Variants in POU2F2 observed in about 807,000 individuals in gnomAD.
POU2F2 encodes the protein POU domain, class 2, transcription factor 2.
POU2F2 carries 14 observed loss-of-function variants against 63.5 expected under a neutral mutation model. The ratio of observed to expected loss-of-function variants is 0.22; its 90% CI spans 0.15 to 0.34. The LOEUF (loss-of-function observed/expected upper bound fraction) is 0.34, where lower values mean the gene tolerates loss of function less well. Among genes scored for constraint, POU2F2 ranks in the 10% least tolerant of loss-of-function variants. POU2F2 has a pLI of 1.00. For missense variants in POU2F2, 607 were observed against 815.2 expected (o/e 0.74, Z 3.11); for synonymous variants, 306 against 348.6 (o/e 0.88, Z 1.36).
intron 1 of POU2F2, among the ~76,000 whole-genome samples, chr19:42,130,717 C>T (rs956351047): frequency 6.6e-6 from 1 of 151,670 alleles, no homozygotes; most frequent in East Asian, 2.0e-4. Flanking sequence ...CACCCCTCTC[C>T]TCACCGCCTT....
At chr19:42,147,552 T>C (rs2034256568) in intron 2 of POU2F2, among the ~76,000 whole-genome samples, 1 of 152,214 alleles carries the variant, frequency 6.6e-6, no homozygotes, top group Non-Finnish European at 1.5e-5. Context: ...TGCTACATCT[T>C]TAGTGCCCAA....
At chr19:42,164,158 G>A (rs2034604173) in intron 1 of POU2F2, among the ~76,000 whole-genome samples, 1 of 152,124 alleles carries the variant, frequency 6.6e-6, no homozygotes, top group South Asian at 2.1e-4. Flanking sequence ...GCCGGGTGTG[G>A]TGGTGCGCCT....
At chr19:42,167,114 T>G (rs558765080) in intron 1 of POU2F2, among the ~76,000 whole-genome samples, 1 of 152,214 alleles carries the variant, frequency 6.6e-6, no homozygotes, top group African/African-American at 2.4e-5. Context: ...AGAAAATATA[T>G]TTAAGACCTA....
At chr19:42,182,611 G>C (rs990562811) in intron 1 of POU2F2, among the ~76,000 whole-genome samples, 1 of 152,160 alleles carries the variant, frequency 6.6e-6, no homozygotes, top group South Asian at 2.1e-4. Flanking sequence ...GAAGGTGTTC[G>C]AGTCGGAGGA....
chr19:42,107,342 G>A (rs537429121), intron 5 of POU2F2, among the ~76,000 whole-genome samples: 2 of 152,180 alleles, frequency 1.3e-5, no homozygotes, highest in East Asian at 1.9e-4. Context: ...GCAACAGAGT[G>A]AGACTCCGTC....
At chr19:42,130,683 C>G (rs561826563) in intron 1 of POU2F2, among the ~76,000 whole-genome samples, 1 of 151,776 alleles carries the variant, frequency 6.6e-6, no homozygotes, top group Non-Finnish European at 1.5e-5. Flanking sequence ...ACATGTCACC[C>G]TGCAAATAGT....
intron 1 of POU2F2, among the ~76,000 whole-genome samples, chr19:42,128,283 A>G (rs1852310632): frequency 6.6e-6 from 1 of 152,076 alleles, no homozygotes; most frequent in South Asian, 2.1e-4. Flanking sequence ...CCCTATCTCT[A>G]CTGTCACCCA....
chr19:42,194,901 GAGGGAAGGAGGAAGGA>G (rs1243599943), intron 1 of POU2F2, among the ~76,000 whole-genome samples: 7 of 121,214 alleles, frequency 5.8e-5, no homozygotes, highest in Admixed American at 8.6e-5. Context: ...GAAAGGGAGG[GAGGGAAGGAGGAAGGA>G]AGGGAAGGAG....
intron 1 of POU2F2, among the ~76,000 whole-genome samples, chr19:42,186,448 G>C (rs2035014079): frequency 1.3e-5 from 2 of 152,098 alleles, no homozygotes; most frequent in African/African-American, 4.8e-5. Context: ...AGAGTAGGTT[G>C]TGTGCAGGGA....
In POU2F2 at chr19:42,086,532, A is replaced by T. The variant is rs1030341795; in HGVS notation, c.*4725T>A. 7.9e-5 allele frequency: 12 copies of T among 152,180 alleles called. No homozygotes were observed. The highest frequency in any genetic ancestry group is 2.7e-4 in the African/African-American group (11 of 41,492). The allele number at this position is 152,180 out of a possible 1,614,324, so 9.4% of individuals were successfully genotyped here. A position where few individuals can be genotyped will look rare whatever the true frequency, so the allele number is the denominator to read the frequency against. ...GGGCTGCGCCAATCAGGTCTTTACC[A>T]AGTAGGGTGGTCACCTTGCCCTAGT... On this transcript the variant is annotated 3_prime_UTR_variant, in exon 15 of 15. Coordinates refer to ENST00000692977, the MANE Select transcript of POU2F2 (RefSeq NM_001394376.1).
At chr19:42,106,353 C>G (rs1477519517) in intron 5 of POU2F2, among the ~76,000 whole-genome samples, 4 of 152,152 alleles carry the variant, frequency 2.6e-5, no homozygotes, top group Non-Finnish European at 5.9e-5. Flanking sequence ...TCAGATGATC[C>G]ACCCACCTCG....
chr19:42,154,862 G>A (rs890467613), intron 2 of POU2F2, among the ~76,000 whole-genome samples: 2 of 152,284 alleles, frequency 1.3e-5, no homozygotes, highest in East Asian at 3.9e-4. Context: ...TGTGAGCCAC[G>A]GTGGGGAGGG....
At chr19:42,108,278 A>C (rs1455397220) in intron 5 of POU2F2, among the ~76,000 whole-genome samples, 3 of 152,212 alleles carry the variant, frequency 2.0e-5, no homozygotes, top group Non-Finnish European at 4.4e-5. Flanking sequence ...AATATTTGCC[A>C]ACTAAAGGAA....
At chr19:42,110,643 C>T in intron 5 of POU2F2, 2 of 447,190 alleles carry the variant, frequency 4.5e-6, no homozygotes, top group Non-Finnish European at 9.0e-6. Flanking sequence ...ATGGAGAGAC[C>T]TGGGCCTTGG....
chr19:42,128,343 CAG>C (rs1490276120), intron 1 of POU2F2, among the ~76,000 whole-genome samples: 2 of 152,202 alleles, frequency 1.3e-5, no homozygotes, highest in Non-Finnish European at 2.9e-5. Context: ...ATTTCCTCTG[CAG>C]AGACTGTGGC....
At chr19:42,104,467 C>A (rs1032185024) in intron 5 of POU2F2, among the ~76,000 whole-genome samples, 5 of 151,938 alleles carry the variant, frequency 3.3e-5, no homozygotes, top group African/African-American at 1.2e-4. Flanking sequence ...GCTGAGCATG[C>A]AGCAAGACAG....
At chr19:42,130,555 C>T (rs1480978965) in intron 1 of POU2F2, among the ~76,000 whole-genome samples, 1 of 152,042 alleles carries the variant, frequency 6.6e-6, no homozygotes, top group Non-Finnish European at 1.5e-5. Context: ...TCTGAGGTCC[C>T]CATTTAACCC....
At chr19:42,180,552 C>T (rs1381512703), upstream of POU2F2, among the ~76,000 whole-genome samples, 7 of 152,096 alleles carry the variant, frequency 4.6e-5, no homozygotes, top group African/African-American at 1.7e-4. Flanking sequence ...AGAAGGGAAG[C>T]AGGGACAGGG....
chr19:42,183,753 A>G (rs1296994208), intron 1 of POU2F2, among the ~76,000 whole-genome samples: 1 of 152,182 alleles, frequency 6.6e-6, no homozygotes, highest in Non-Finnish European at 1.5e-5. Context: ...AAGGATAAAC[A>G]GGAGGCAGGA....
Sources: gnomAD v4.1 joint callset for allele counts (sites outside exome capture counted in the v4.1 genomes callset) on GRCh38, gnomAD v4.1.1 for gene constraint, MANE v1.5 for transcripts, NCBI Gene and HGNC (gene_info 2026-07-23, HGNC 2026-07-21) for gene names.